The following ST18 variants were observed in gnomAD, a reference collection of about 807,000 sequenced individuals.
ST18 encodes ST18 C2H2C-type zinc finger transcription factor.
In ST18, 50 loss-of-function variants were observed where a neutral mutation model predicts 110.0. That is an observed-to-expected ratio of 0.45 (90% CI 0.36 to 0.58). The LOEUF (loss-of-function observed/expected upper bound fraction) is 0.58. Among genes scored for constraint, ST18 ranks in the 20% least tolerant of loss-of-function variants. The pLI is 0.00. For synonymous variants in ST18, 461 were observed against 452.4 expected, an observed-to-expected ratio of 1.02 and a Z score of -0.24; for missense variants, 1,306 against 1,280.1, an observed-to-expected ratio of 1.02 and a Z score of -0.31.
intron 2 of ST18, among the ~76,000 whole-genome samples, chr8:52,378,113 G>C (rs577058560): frequency 6.6e-6 from 1 of 152,028 alleles, no homozygotes; most frequent in African/African-American, 2.4e-5. Context: ...GACAGGGAGG[G>C]GAATAGAGAA....
At chr8:52,260,285 G>A (rs2094646301) in intron 2 of ST18, among the ~76,000 whole-genome samples, 3 of 150,424 alleles carry the variant, frequency 2.0e-5, no homozygotes, top group African/African-American at 7.5e-5. Context: ...ATATTTGTCT[G>A]TCTATTATGT....
chr8:52,364,068 TA>T (rs1826851187), intron 2 of ST18, among the ~76,000 whole-genome samples: 1 of 152,252 alleles, frequency 6.6e-6, no homozygotes, highest in Admixed American at 6.5e-5. Flanking sequence ...TTCCTGACAG[TA>T]TGGATTATTC....
chr8:52,184,069 G>A (rs2070993773), intron 8 of ST18, among the ~76,000 whole-genome samples: 1 of 152,150 alleles, frequency 6.6e-6, no homozygotes, highest in Admixed American at 6.5e-5. Context: ...ACACTGCAAT[G>A]AGGGAAAGCC....
intron 2 of ST18, among the ~76,000 whole-genome samples, chr8:52,290,982 G>A (rs997433506): frequency 1.3e-4 from 20 of 152,272 alleles, no homozygotes; most frequent in African/African-American, 4.8e-4. Flanking sequence ...AGCTTAAAAA[G>A]CATCTCCCTG....
intron 2 of ST18, among the ~76,000 whole-genome samples, chr8:52,346,296 C>G (rs1390225333): frequency 2.7e-5 from 4 of 150,098 alleles, no homozygotes; most frequent in Non-Finnish European, 5.9e-5. Flanking sequence ...AACACAAAGT[C>G]AAGAAAAAAG....
At chr8:52,295,890 C>A (rs2095628291) in intron 2 of ST18, among the ~76,000 whole-genome samples, 1 of 152,052 alleles carries the variant, frequency 6.6e-6, no homozygotes, top group South Asian at 2.1e-4. Context: ...TGTTCTGCGT[C>A]CCATCTGACT....
At chr8:52,210,010 T>C in intron 8 of ST18, 1 of 454,036 alleles carries the variant, frequency 2.2e-6, no homozygotes, top group South Asian at 1.6e-5. Context: ...GTAAAAGTTG[T>C]TTTCAAGAAA....
rs1469364673 is a variant in ST18 at position 52,145,714 on chromosome 8, A to G, written c.2053-2669T>C. Among the ~76,000 whole-genome samples, 3 of 152,220 alleles carry G rather than the reference A, an allele frequency of 2.0e-5. No homozygotes were observed. The South Asian group carries it at 6.2e-4, about 32-fold the overall frequency. On this transcript the variant is annotated intron_variant, in intron 16 of 25. Transcript: ENST00000689386. The stretch of plus-strand genomic sequence containing the variant: ...TGTGTTTAGAGAGTACATGCATGCA[A>G]TGAAATTCCTTTAACGTACAGATGG...
intron 23 of ST18, among the ~76,000 whole-genome samples, chr8:52,120,313 T>C (rs2044187956): frequency 6.6e-6 from 1 of 152,266 alleles, no homozygotes; most frequent in African/African-American, 2.4e-5. Flanking sequence ...CTTTGACATA[T>C]TGTTTTTCTT....
chr8:52,206,187 C>T (rs1278914700), intron 8 of ST18, among the ~76,000 whole-genome samples: 1 of 152,086 alleles, frequency 6.6e-6, no homozygotes, highest in Non-Finnish European at 1.5e-5. Flanking sequence ...CAGGTAATGT[C>T]ATTTGTCCTG....
At chr8:52,145,704 C>T (rs1246673927) in intron 16 of ST18, among the ~76,000 whole-genome samples, 3 of 152,108 alleles carry the variant, frequency 2.0e-5, no homozygotes, top group Non-Finnish European at 4.4e-5. Context: ...TTAGAGAGTA[C>T]ATGCATGCAA....
At chr8:52,263,603 T>C (rs2094766986) in intron 2 of ST18, among the ~76,000 whole-genome samples, 1 of 137,504 alleles carries the variant, frequency 7.3e-6, no homozygotes, top group Non-Finnish European at 1.6e-5. Flanking sequence ...TGTAGTTTTT[T>C]TGTTTTGTTT....
chr8:52,404,268 T>C (rs1338616337), intron 2 of ST18: 1 of 152,192 alleles, frequency 6.6e-6, no homozygotes, highest in Non-Finnish European at 1.5e-5. Flanking sequence ...AAGAGCATTG[T>C]CAATAAAGGG....
At chr8:52,369,966 A>G (rs1829647326) in intron 2 of ST18, among the ~76,000 whole-genome samples, 1 of 152,214 alleles carries the variant, frequency 6.6e-6, no homozygotes, top group Non-Finnish European at 1.5e-5. Flanking sequence ...AGTATTTGCC[A>G]AAGAATGTTC....
chr8:52,161,695 G>C (rs1305205570), intron 13 of ST18, 127 bp from the exon 14 acceptor site: 1 of 1,072,412 alleles, frequency 9.3e-7, no homozygotes, highest in Non-Finnish European at 1.3e-6. Flanking sequence ...TGAACAATAA[G>C]AGAGACGGGG....
In ST18 at chr8:52,172,187, T is replaced by C. The variant is rs550748095; in HGVS notation, c.674A>G (p.Asp225Gly). The part of the protein sequence containing the change: ...PPRVPKYVLT[D>G]HKKDLLEVPE... The stretch of plus-strand genomic sequence containing the variant: ...AACTTCCAATAGGTCTTTTTTATGA[T>C]CTGTTAAAACATACTTTGGGACTCT... Residue 225 changes from aspartate to glycine, a missense_variant, in exon 10 of 26, where the codon GAT becomes GGT. Coordinates refer to ENST00000689386, the MANE Select transcript of ST18 (RefSeq NM_001352837.2). The C allele has an allele frequency of 6.2e-7, 1 of 1,614,236 alleles. No homozygotes were observed. The highest frequency in any genetic ancestry group is 1.3e-5 in the African/African-American group (1 of 75,048).
At chr8:52,179,857 A>G (rs917193234) in intron 9 of ST18, among the ~76,000 whole-genome samples, 2 of 152,170 alleles carry the variant, frequency 1.3e-5, no homozygotes, top group African/African-American at 4.8e-5. Flanking sequence ...ATTTTCTTCA[A>G]AAAGAGGCAT....
chr8:52,359,802 G>C (rs1409608736), intron 2 of ST18, among the ~76,000 whole-genome samples: 1 of 152,102 alleles, frequency 6.6e-6, no homozygotes, highest in African/African-American at 2.4e-5. Flanking sequence ...AGATTCCTAA[G>C]TACTCTACTG....
intron 2 of ST18, among the ~76,000 whole-genome samples, chr8:52,309,520 C>CAAAAAAAA (rs756214451): frequency 1.3e-3 from 48 of 37,718 alleles, no homozygotes; most frequent in Admixed American, 1.9e-3. Flanking sequence ...GACTCCATCT[C>CAAAAAAAA]AAAAAAAAAA....
Sources: gnomAD v4.1 joint callset for allele counts (sites outside exome capture counted in the v4.1 genomes callset) on GRCh38, gnomAD v4.1.1 for gene constraint, MANE v1.5 for transcripts, NCBI Gene and HGNC (gene_info 2026-07-23, HGNC 2026-07-21) for gene names.